ATXN8OS: variants seen among roughly 807,000 people sequenced by gnomAD.
The protein encoded by ATXN8OS is ATXN8 opposite strand lncRNA, also known as ATXN8 opposite strand (non-protein coding).
At chr13:70,167,226 T>C (rs1272564759) in intron 4 of ATXN8OS, among the ~76,000 whole-genome samples, 4 of 152,300 alleles carry the variant, frequency 2.6e-5, no homozygotes, top group East Asian at 3.9e-4. Context: ...TGTATGTTTA[T>C]TGTGTCACTA....
chr13:70,146,479 T>G (rs376907864), intron 3 of ATXN8OS, among the ~76,000 whole-genome samples: 608 of 152,186 alleles, frequency 4.0e-3, no homozygotes, highest in Non-Finnish European at 7.0e-3. Flanking sequence ...GTTTATTGTG[T>G]CACTATTCAC....
chr13:70,170,131 T>C (rs1275269603), exon 5 of ATXN8OS, among the ~76,000 whole-genome samples: 2 of 152,182 alleles, frequency 1.3e-5, no homozygotes, highest in Non-Finnish European at 2.9e-5. Flanking sequence ...AACATTCCTG[T>C]ATTCAGAGCT....
intron 4 of ATXN8OS, among the ~76,000 whole-genome samples, chr13:70,161,366 C>T (rs989037207): frequency 6.6e-6 from 1 of 152,038 alleles, no homozygotes; most frequent in Non-Finnish European, 1.5e-5. Flanking sequence ...TTCACCTTAG[C>T]TACAAAGGCA....
Position 70,159,807 on chromosome 13 carries a change from G to A in ATXN8OS, n.574-9946G>A, listed in dbSNP as rs1239895580. Among the ~76,000 whole-genome samples the A allele has an allele frequency of 2.0e-5, 3 of 152,066 alleles. No homozygotes were observed. In the East Asian group the frequency reaches 5.8e-4, roughly 29 times the overall value. On this transcript the variant is annotated intron_variant and non_coding_transcript_variant, in intron 4 of 4. Coordinates refer to ENST00000678624, the Ensembl canonical transcript of ATXN8OS. ...TCATACAGTATATAACCTAACACTG[G>A]CTTCTTTCATCCAGAATAATGCATT...
At chr13:70,127,383 C>T (rs1888454256) in intron 2 of ATXN8OS, among the ~76,000 whole-genome samples, 1 of 151,708 alleles carries the variant, frequency 6.6e-6, no homozygotes, top group Non-Finnish European at 1.5e-5. Flanking sequence ...TGTTGTTATC[C>T]TTGAGAATTA....
chr13:70,168,525 C>G (rs962222434), intron 4 of ATXN8OS, among the ~76,000 whole-genome samples: 1 of 151,786 alleles, frequency 6.6e-6, no homozygotes, highest in African/African-American at 2.4e-5. Context: ...GCCACTGCCC[C>G]GCCCCACGCA....
At chr13:70,119,174 C>T (rs1888324324) in intron 2 of ATXN8OS, among the ~76,000 whole-genome samples, 3 of 152,054 alleles carry the variant, frequency 2.0e-5, no homozygotes, top group Admixed American at 2.0e-4. Flanking sequence ...TTATAATATA[C>T]ATACAGCTTA....
intron 4 of ATXN8OS, among the ~76,000 whole-genome samples, chr13:70,169,297 T>C (rs1889115756): frequency 1.3e-5 from 2 of 152,072 alleles, no homozygotes. Flanking sequence ...AAACGTTTAA[T>C]CTTTTTGTTT....
chr13:70,155,861 GA>G (rs576971423), intron 4 of ATXN8OS, among the ~76,000 whole-genome samples: 22 of 149,674 alleles, frequency 1.5e-4, no homozygotes, highest in African/African-American at 3.9e-4. Context: ...TGTACCACCA[GA>G]AAAAAAAGTA....
intron 4 of ATXN8OS, among the ~76,000 whole-genome samples, chr13:70,155,671 T>G (rs1300385122): frequency 2.6e-5 from 4 of 152,160 alleles, no homozygotes; most frequent in African/African-American, 9.7e-5. Context: ...TCGATTTTCA[T>G]GCAAACCAAA....
At chr13:70,169,895 G>C (rs532805474) in exon 5 of ATXN8OS, among the ~76,000 whole-genome samples, 2 of 152,094 alleles carry the variant, frequency 1.3e-5, no homozygotes, top group South Asian at 4.2e-4. Flanking sequence ...CCACCTCCTG[G>C]AATCAATTGC....
chr13:70,133,408 A>T (rs1035055422), intron 3 of ATXN8OS, among the ~76,000 whole-genome samples: 4 of 152,184 alleles, frequency 2.6e-5, no homozygotes, highest in African/African-American at 7.2e-5. Flanking sequence ...TGAAAAAAAT[A>T]GCATAAAGGA....
chr13:70,166,641 A>G (rs1889079861), intron 4 of ATXN8OS, among the ~76,000 whole-genome samples: 1 of 152,144 alleles, frequency 6.6e-6, no homozygotes. Context: ...ACCAAAAGCA[A>G]TGGCAACAAA....
At chr13:70,139,607 T>C (rs553861571) in intron 3 of ATXN8OS, among the ~76,000 whole-genome samples, 6 of 152,160 alleles carry the variant, frequency 3.9e-5, no homozygotes, top group Non-Finnish European at 5.9e-5. Context: ...TCTTGTGCAT[T>C]CTCAGTCCTC....
chr13:70,130,833 GAAC>G (rs1396267030), intron 3 of ATXN8OS: 5 of 398,410 alleles, frequency 1.3e-5, no homozygotes, highest in African/African-American at 1.0e-4. Context: ...GGAGAATGAA[GAAC>G]AACTTGTTGA....
intron 4 of ATXN8OS, among the ~76,000 whole-genome samples, chr13:70,161,773 G>GA (rs35768122): frequency 0.81 from 123,062 of 151,202 alleles, 51,810 homozygotes; most frequent in Non-Finnish European, 0.93. Context: ...GAAAAAAAAT[G>GA]AAAAAAAATC....
chr13:70,161,259 A>G (rs1036923462), intron 4 of ATXN8OS, among the ~76,000 whole-genome samples: 13 of 152,138 alleles, frequency 8.5e-5, no homozygotes, highest in Admixed American at 6.6e-4. Flanking sequence ...AATATACTAA[A>G]GAGTAAACCA....
intron 3 of ATXN8OS, among the ~76,000 whole-genome samples, chr13:70,139,894 A>C (rs190513896): frequency 4.6e-5 from 7 of 152,250 alleles, no homozygotes; most frequent in Admixed American, 3.3e-4. Context: ...GATTTTTGAA[A>C]GTTTTGGATA....
intron 1 of ATXN8OS, among the ~76,000 whole-genome samples, chr13:70,110,998 A>T (rs1000257546): frequency 3.0e-4 from 45 of 152,208 alleles, no homozygotes; most frequent in African/African-American, 1.0e-3. Context: ...TTCTAACACT[A>T]TTGAATTAAA....
Sources: gnomAD v4.1 joint callset for allele counts (sites outside exome capture counted in the v4.1 genomes callset) on GRCh38, gnomAD v4.1.1 for gene constraint, MANE v1.5 for transcripts, NCBI Gene and HGNC (gene_info 2026-07-23, HGNC 2026-07-21) for gene names.